Variants in RLN2 observed in about 807,000 individuals in gnomAD.
The protein encoded by RLN2 is relaxin 2.
A neutral mutation model predicts 7.3 loss-of-function variants in RLN2; 10 were observed. That is an observed-to-expected ratio of 1.36 (90% CI 0.84 to 2.31). The LOEUF (loss-of-function observed/expected upper bound fraction) is 2.31, where lower values mean the gene tolerates loss of function less well. RLN2 is among the 30% of genes most tolerant of loss of function. The probability of loss-of-function intolerance (pLI) is 0.00; values close to 1 mark genes in which losing one functional copy is unlikely to be tolerated. For missense variants in RLN2, 298 were observed against 217.6 expected, an observed-to-expected ratio of 1.37 and a Z score of -2.32; for synonymous variants, 103 against 82.3, an observed-to-expected ratio of 1.25 and a Z score of -1.36.
At chr9:5,333,175 A>G in the RLN2 span, among the ~76,000 whole-genome samples, 1 of 152,028 alleles carries the variant, frequency 6.6e-6, no homozygotes, top group African/African-American at 2.4e-5. Flanking sequence ...AGATAAATCA[A>G]CCCATGAGAA....
At chr9:5,311,583 A>G in the RLN2 span, 1 of 857,674 alleles carries the variant, frequency 1.2e-6, no homozygotes. Flanking sequence ...GCCCATGCAA[A>G]GACAGGAGAG....
chr9:5,309,456 T>C (rs1490092302), upstream of RLN2, among the ~76,000 whole-genome samples: 1 of 152,002 alleles, frequency 6.6e-6, no homozygotes, highest in Non-Finnish European at 1.5e-5. Context: ...TTCCTTTCCC[T>C]CTTCCACAAC....
the RLN2 span, chr9:5,335,252 C>T: frequency 3.8e-6 from 6 of 1,573,540 alleles, no homozygotes; most frequent in Admixed American, 1.1e-4. Context: ...AGCTTCATCT[C>T]AGCAATATTT....
upstream of RLN2, among the ~76,000 whole-genome samples, chr9:5,306,102 G>GTTTTTTTT (rs57304439): frequency 8.1e-6 from 1 of 123,436 alleles, no homozygotes; most frequent in African/African-American, 3.3e-5. Flanking sequence ...CTTTGTTTTT[G>GTTTTTTTT]TTTTTTGTTT....
At chr9:5,306,470 A>C (rs1282041552), upstream of RLN2, among the ~76,000 whole-genome samples, 2 of 151,992 alleles carry the variant, frequency 1.3e-5, no homozygotes, top group Non-Finnish European at 2.9e-5. Flanking sequence ...TACAGAAAGA[A>C]GAAACAGATT....
At chr9:5,334,750 T>A in the RLN2 span, among the ~76,000 whole-genome samples, 1 of 151,972 alleles carries the variant, frequency 6.6e-6, no homozygotes, top group South Asian at 2.1e-4. Flanking sequence ...GGAAAAAAAA[T>A]ACTTGAGTTT....
chr9:5,330,591 T>C, the RLN2 span, among the ~76,000 whole-genome samples: 19 of 127,562 alleles, frequency 1.5e-4, no homozygotes, highest in Non-Finnish European at 1.6e-5. Flanking sequence ...TGAGCCAAGA[T>C]CACACCACTG....
At chr9:5,320,784 T>A in the RLN2 span, among the ~76,000 whole-genome samples, 28 of 152,258 alleles carry the variant, frequency 1.8e-4, no homozygotes, top group Middle Eastern at 6.8e-3. Flanking sequence ...AAAGACTTTT[T>A]GAAGAAGCAC....
At chr9:5,332,424 T>A in the RLN2 span, among the ~76,000 whole-genome samples, 9 of 152,134 alleles carry the variant, frequency 5.9e-5, no homozygotes, top group East Asian at 1.7e-3. Flanking sequence ...AAAAATAGTA[T>A]TGTCCCCTGG....
At chr9:5,322,667 T>C in the RLN2 span, among the ~76,000 whole-genome samples, 1 of 151,966 alleles carries the variant, frequency 6.6e-6, no homozygotes, top group East Asian at 1.9e-4. Context: ...TCTTCTCCAC[T>C]GCATCCCAAC....
the RLN2 span, among the ~76,000 whole-genome samples, chr9:5,316,766 G>A: frequency 9.0e-4 from 137 of 152,088 alleles, no homozygotes; most frequent in Non-Finnish European, 1.6e-3. Context: ...ATGTGCATGT[G>A]TCTTTATAGC....
chr9:5,325,644 T>C, the RLN2 span, among the ~76,000 whole-genome samples: 3 of 152,090 alleles, frequency 2.0e-5, no homozygotes, highest in East Asian at 1.9e-4. Flanking sequence ...GAGCCTTTCA[T>C]CTAAAAACAA....
chr9:5,310,506 A>G, the RLN2 span, among the ~76,000 whole-genome samples: 1 of 152,012 alleles, frequency 6.6e-6, no homozygotes, highest in East Asian at 1.9e-4. Context: ...CTTCCTCGCT[A>G]GGGTGACAGA....
the RLN2 span, among the ~76,000 whole-genome samples, chr9:5,328,201 G>T: frequency 1.3e-5 from 2 of 152,020 alleles, no homozygotes; most frequent in East Asian, 3.9e-4. Context: ...AATAAACAGT[G>T]TAGAGAAGAT....
At chr9:5,305,990 T>G (rs555821182), upstream of RLN2, among the ~76,000 whole-genome samples, 1 of 152,108 alleles carries the variant, frequency 6.6e-6, no homozygotes, top group East Asian at 1.9e-4. Context: ...AACTGAGGTT[T>G]GAAAACATTT....
the RLN2 span, among the ~76,000 whole-genome samples, chr9:5,321,721 T>C: frequency 7.3e-6 from 1 of 136,484 alleles, no homozygotes. Context: ...CTTGGAGGCA[T>C]CTGCCTAAAC....
upstream of RLN2, among the ~76,000 whole-genome samples, chr9:5,308,518 G>A (rs80267530): frequency 6.1e-3 from 925 of 152,030 alleles, 18 homozygotes; most frequent in African/African-American, 0.021. Flanking sequence ...TGGCTCTCAC[G>A]TGTGTTCTCC....
chr9:5,311,819 AT>A, the RLN2 span: 427 of 633,014 alleles, frequency 6.7e-4, 4 homozygotes, highest in African/African-American at 6.0e-3. Context: ...TTTTTTTAGT[AT>A]TTTTTTTCTT....
the RLN2 span, among the ~76,000 whole-genome samples, chr9:5,324,918 C>T: frequency 6.6e-6 from 1 of 151,808 alleles, no homozygotes; most frequent in African/African-American, 2.4e-5. Context: ...GATGTAATTC[C>T]AACGTAATTT....
Sources: allele counts gnomAD v4.1 joint callset (sites outside exome capture counted in the v4.1 genomes callset), GRCh38; gene constraint gnomAD v4.1.1; transcripts MANE v1.5; gene names NCBI Gene and HGNC (gene_info 2026-07-23, HGNC 2026-07-21).